KCNH7: variants seen among roughly 807,000 people sequenced by gnomAD.
KCNH7 encodes potassium voltage-gated channel subfamily H member 7.
KCNH7 carries 49 observed loss-of-function variants against 120.8 expected under a neutral mutation model. That is an observed-to-expected ratio of 0.41 (90% CI 0.32 to 0.51). The LOEUF (loss-of-function observed/expected upper bound fraction) is 0.51, where lower values mean the gene tolerates loss of function less well. Ranked by LOEUF, KCNH7 falls within the 20% of genes least tolerant of loss-of-function variation. The pLI, the probability that KCNH7 is intolerant of heterozygous loss-of-function variation, is 0.38. For missense variants in KCNH7, 1,097 were observed against 1,446.6 expected (o/e 0.76, Z 3.92); for synonymous variants, 547 against 516.1 (o/e 1.06, Z -0.81).
intron 2 of KCNH7, among the ~76,000 whole-genome samples, chr2:162,648,498 T>C (rs1684450662): frequency 6.6e-6 from 1 of 152,160 alleles, no homozygotes; most frequent in African/African-American, 2.4e-5. Flanking sequence ...TGCTAAGCTC[T>C]CCATGGTCTA....
At chr2:162,783,816 C>G (rs892441438) in intron 2 of KCNH7, among the ~76,000 whole-genome samples, 2 of 152,044 alleles carry the variant, frequency 1.3e-5, no homozygotes, top group African/African-American at 4.8e-5. Flanking sequence ...ATCTTTAATA[C>G]CTGAGCTTCG....
At chr2:162,387,701 A>G (rs1278679570) in intron 12 of KCNH7, among the ~76,000 whole-genome samples, 1 of 151,674 alleles carries the variant, frequency 6.6e-6, no homozygotes, top group Non-Finnish European at 1.5e-5. Context: ...GCTTTTTTAC[A>G]GAACACAATT....
At chr2:162,401,099 C>T (rs1334105772) in intron 9 of KCNH7, among the ~76,000 whole-genome samples, 1 of 151,824 alleles carries the variant, frequency 6.6e-6, no homozygotes, top group Non-Finnish European at 1.5e-5. Context: ...GGAAATTGCA[C>T]CAGAATTTGC....
At chr2:162,800,797 C>T (rs942472141) in intron 2 of KCNH7, among the ~76,000 whole-genome samples, 4 of 151,854 alleles carry the variant, frequency 2.6e-5, no homozygotes. Flanking sequence ...GCCTTTGACA[C>T]CCTTATGATG....
chr2:162,714,764 A>G (rs925237766), intron 2 of KCNH7, among the ~76,000 whole-genome samples: 4 of 152,216 alleles, frequency 2.6e-5, no homozygotes, highest in African/African-American at 9.6e-5. Context: ...AACTTTATGG[A>G]CACTGAAATT....
intron 2 of KCNH7, among the ~76,000 whole-genome samples, chr2:162,635,434 T>A (rs1467823234): frequency 6.6e-6 from 1 of 152,098 alleles, no homozygotes; most frequent in East Asian, 1.9e-4. Context: ...GAATGTGTAA[T>A]CATTGCTTAT....
In KCNH7 at chr2:162,383,642, C is replaced by T. The variant is rs186131527; in HGVS notation, c.2962+1046G>A. On this transcript the variant is annotated intron_variant, in intron 13 of 15. Coordinates refer to ENST00000332142, the MANE Select transcript of KCNH7 (RefSeq NM_033272.4). ...GTACTAATTTTGCTATCCTACCAGG[C>T]CTAGAACATCCTATTTTTCCTTTTC... 5.1e-3 allele frequency among the ~76,000 whole-genome samples: 782 copies of T among 151,986 alleles called. 13 individuals carry two copies. The highest frequency in any genetic ancestry group is 0.018 in the African/African-American group (730 of 41,500).
At chr2:162,805,442 C>T (rs952086863) in intron 2 of KCNH7, among the ~76,000 whole-genome samples, 5 of 151,816 alleles carry the variant, frequency 3.3e-5, no homozygotes, top group Admixed American at 6.6e-5. Flanking sequence ...AGACATTTCT[C>T]AAAAGAGGAT....
chr2:162,818,994 CA>C (rs768285895), intron 2 of KCNH7, among the ~76,000 whole-genome samples: 6 of 152,010 alleles, frequency 3.9e-5, no homozygotes, highest in Non-Finnish European at 7.4e-5. Flanking sequence ...TCAAACAAAT[CA>C]AAATTGAACA....
At chr2:162,636,114 G>T (rs1385934112) in intron 2 of KCNH7, among the ~76,000 whole-genome samples, 1 of 152,002 alleles carries the variant, frequency 6.6e-6, no homozygotes, top group East Asian at 1.9e-4. Context: ...ATGTTCAAAT[G>T]AAGTATTTAT....
At chr2:162,775,642 A>T (rs1284489231) in intron 2 of KCNH7, among the ~76,000 whole-genome samples, 2 of 152,198 alleles carry the variant, frequency 1.3e-5, no homozygotes, top group African/African-American at 4.8e-5. Flanking sequence ...CAAGATGATT[A>T]TACTTTTTAG....
intron 2 of KCNH7, among the ~76,000 whole-genome samples, chr2:162,741,941 G>C (rs1688153052): frequency 6.6e-6 from 1 of 152,120 alleles, no homozygotes; most frequent in Non-Finnish European, 1.5e-5. Flanking sequence ...GCATAGAATG[G>C]CTGGATTTCT....
chr2:162,832,321 C>T (rs1456497358), intron 2 of KCNH7, among the ~76,000 whole-genome samples: 1 of 151,994 alleles, frequency 6.6e-6, no homozygotes, highest in African/African-American at 2.4e-5. Context: ...GTTTTACATG[C>T]CATATAACTT....
rs190777438 is a variant in KCNH7, at chr2:162,601,177, G to A, written c.308-64097C>T. On this transcript the variant is annotated intron_variant, in intron 2 of 15. Transcript: ENST00000332142. Reference sequence around the variant, plus strand: ...TGTGATTGGTTAATGTATGGTTCACGATGCTCCAGTTTATGAAAGTCTGAG... The same window carrying A: ...TGTGATTGGTTAATGTATGGTTCACAATGCTCCAGTTTATGAAAGTCTGAG... Among the ~76,000 whole-genome samples, 461 of 151,964 alleles carry A rather than the reference G, an allele frequency of 3.0e-3. 2 individuals carry two copies. Among genetic ancestry groups the A allele is most frequent in the African/African-American group, 0.011 (439 of 41,480 alleles).
At chr2:162,767,425 A>G (rs1682863554) in intron 2 of KCNH7, among the ~76,000 whole-genome samples, 1 of 152,118 alleles carries the variant, frequency 6.6e-6, no homozygotes, top group South Asian at 2.1e-4. Flanking sequence ...ATAATCACAC[A>G]TATTTTTCCT....
chr2:162,655,583 G>A (rs1179884687), intron 2 of KCNH7, among the ~76,000 whole-genome samples: 3 of 151,824 alleles, frequency 2.0e-5, no homozygotes, highest in South Asian at 2.1e-4. Flanking sequence ...TCAAGAGATC[G>A]AGACCATCCT....
chr2:162,781,116 G>T (rs935106186), intron 2 of KCNH7, among the ~76,000 whole-genome samples: 8 of 151,876 alleles, frequency 5.3e-5, no homozygotes, highest in African/African-American at 1.9e-4. Flanking sequence ...GAGAACCAGA[G>T]GTTTGAAGTA....
At chr2:162,592,678 C>T (rs186738061) in intron 2 of KCNH7, among the ~76,000 whole-genome samples, 1 of 152,102 alleles carries the variant, frequency 6.6e-6, no homozygotes, top group Admixed American at 6.6e-5. Flanking sequence ...GAGAATTTAG[C>T]ACTACTTTAT....
At chr2:162,599,971 A>G (rs1362028700) in intron 2 of KCNH7, among the ~76,000 whole-genome samples, 2 of 152,048 alleles carry the variant, frequency 1.3e-5, no homozygotes, top group Non-Finnish European at 2.9e-5. Flanking sequence ...ATTTTGCTGC[A>G]TAGTTGATTG....
Sources: allele counts gnomAD v4.1 joint callset (sites outside exome capture counted in the v4.1 genomes callset), GRCh38; gene constraint gnomAD v4.1.1; transcripts MANE v1.5; gene names NCBI Gene and HGNC (gene_info 2026-07-23, HGNC 2026-07-21).